SYT9: variants seen among roughly 807,000 people sequenced by gnomAD.
SYT9 encodes synaptotagmin-9.
A neutral mutation model predicts 48.4 loss-of-function variants in SYT9; 22 were observed. That is an observed-to-expected ratio of 0.45 (90% CI 0.32 to 0.65). The LOEUF is 0.65. SYT9 is among the 30% of genes least tolerant of loss of function. SYT9 has a pLI of 0.03. For missense variants in SYT9, 577 were observed against 622.0 expected (o/e 0.93, Z 0.77); for synonymous variants, 265 against 245.0 (o/e 1.08, Z -0.76).
intron 3 of SYT9, among the ~76,000 whole-genome samples, chr11:7,369,907 T>G (rs1195236527): frequency 6.6e-6 from 1 of 152,108 alleles, no homozygotes; most frequent in African/African-American, 2.4e-5. Flanking sequence ...TTCTTTATTT[T>G]ATTTTTCCAT....
At chr11:7,433,263 G>C (rs1847644940) in intron 6 of SYT9, among the ~76,000 whole-genome samples, 1 of 152,138 alleles carries the variant, frequency 6.6e-6, no homozygotes, top group South Asian at 2.1e-4. Flanking sequence ...GCAGAACTGT[G>C]AACCAATTAA....
chr11:7,255,388 A>G (rs1358546938), intron 1 of SYT9, among the ~76,000 whole-genome samples: 1 of 151,978 alleles, frequency 6.6e-6, no homozygotes, highest in Non-Finnish European at 1.5e-5. Context: ...ACCATTATAA[A>G]GACTTTGGTT....
chr11:7,448,812 C>T (rs1847986352), intron 6 of SYT9, among the ~76,000 whole-genome samples: 1 of 152,024 alleles, frequency 6.6e-6, no homozygotes, highest in South Asian at 2.1e-4. Context: ...AGACCTGAAC[C>T]CCTCTTTTCA....
chr11:7,340,735 C>T (rs1849698687), intron 3 of SYT9, among the ~76,000 whole-genome samples: 1 of 152,226 alleles, frequency 6.6e-6, no homozygotes, highest in Non-Finnish European at 1.5e-5. Flanking sequence ...TGCAAGACAG[C>T]AAAGATGGTA....
At chr11:7,247,546 T>A (rs1417848299), upstream of SYT9, among the ~76,000 whole-genome samples, 1 of 148,056 alleles carries the variant, frequency 6.8e-6, no homozygotes, top group Non-Finnish European at 1.5e-5. Context: ...TATATACACG[T>A]ATACATGTAT....
At chr11:7,303,434 C>T (rs1185605154) in intron 2 of SYT9, 44 bp downstream of exon 2, 2 of 1,493,224 alleles carry the variant, frequency 1.3e-6, no homozygotes, top group African/African-American at 2.8e-5. Flanking sequence ...AAGGACCACC[C>T]CATTCCCCTC....
At chr11:7,421,257 G>C (rs1275866155) in intron 6 of SYT9, among the ~76,000 whole-genome samples, 1 of 152,126 alleles carries the variant, frequency 6.6e-6, no homozygotes, top group Non-Finnish European at 1.5e-5. Context: ...GTGTGGCTTT[G>C]TTCCTTGAAG....
At chr11:7,402,818 A>G (rs1488700779) in intron 3 of SYT9, among the ~76,000 whole-genome samples, 1 of 152,194 alleles carries the variant, frequency 6.6e-6, no homozygotes, top group South Asian at 2.1e-4. Flanking sequence ...TTAAGTATAC[A>G]CATTGAATGT....
intron 1 of SYT9, among the ~76,000 whole-genome samples, chr11:7,263,845 A>AAAGAGTAT (rs1431523186): frequency 6.7e-6 from 1 of 150,090 alleles, no homozygotes; most frequent in Non-Finnish European, 1.5e-5. Flanking sequence ...AATTGAGAGA[A>AAAGAGTAT]AAGAGTATAA....
intron 2 of SYT9, among the ~76,000 whole-genome samples, chr11:7,304,740 C>T (rs1033323603): frequency 2.0e-5 from 3 of 152,216 alleles, no homozygotes; most frequent in Non-Finnish European, 4.4e-5. Context: ...CAGATTTTAT[C>T]ACTAGGATTT....
chr11:7,442,156 C>T (rs1260737804), intron 6 of SYT9, among the ~76,000 whole-genome samples: 1 of 152,066 alleles, frequency 6.6e-6, no homozygotes, highest in Non-Finnish European at 1.5e-5. Flanking sequence ...AACCCCACCG[C>T]CTCCTGCCAT....
At chr11:7,303,919 T>G (rs892504377) in intron 2 of SYT9, among the ~76,000 whole-genome samples, 6 of 152,336 alleles carry the variant, frequency 3.9e-5, no homozygotes, top group East Asian at 1.9e-4. Flanking sequence ...CTGGAGGTCT[T>G]TGTCCGTCTC....
At chr11:7,400,401 C>T (rs1325848967) in intron 3 of SYT9, among the ~76,000 whole-genome samples, 6 of 152,148 alleles carry the variant, frequency 3.9e-5, no homozygotes, top group Non-Finnish European at 8.8e-5. Context: ...GTCTGTCAGT[C>T]AGCTGGAAGA....
intron 6 of SYT9, chr11:7,457,077 G>A (rs1199563106): frequency 6.6e-6 from 1 of 152,198 alleles, no homozygotes; most frequent in Admixed American, 6.5e-5. Flanking sequence ...CTGCGACCCT[G>A]CCTCCATCTC....
At chr11:7,415,918 C>A (rs1433355534) in intron 3 of SYT9, 124 bp from the exon 4 acceptor site, 2 of 1,185,342 alleles carry the variant, frequency 1.7e-6, no homozygotes, top group Non-Finnish European at 2.4e-6. Flanking sequence ...GGAAGAGATA[C>A]CAGGGATTCT....
At chr11:7,357,517 G>A (rs1006474660) in intron 3 of SYT9, among the ~76,000 whole-genome samples, 2 of 152,154 alleles carry the variant, frequency 1.3e-5, no homozygotes, top group Non-Finnish European at 2.9e-5. Flanking sequence ...GCTTCTCTGA[G>A]AGAATCCTAA....
intron 3 of SYT9, among the ~76,000 whole-genome samples, chr11:7,324,932 A>G (rs1054693426): frequency 4.6e-5 from 7 of 152,152 alleles, no homozygotes; most frequent in African/African-American, 1.7e-4. Context: ...TTCATCTCCT[A>G]CTATGATGGT....
At chr11:7,448,947 C>G (rs1269813790) in intron 6 of SYT9, among the ~76,000 whole-genome samples, 2 of 152,114 alleles carry the variant, frequency 1.3e-5, no homozygotes, top group African/African-American at 4.8e-5. Context: ...GGGGCTTAGT[C>G]TTCACAGAAT....
chr11:7,283,302 T>A (rs1242730346), intron 1 of SYT9, among the ~76,000 whole-genome samples: 2 of 152,018 alleles, frequency 1.3e-5, no homozygotes, highest in African/African-American at 2.4e-5. Flanking sequence ...AAGTTATTTT[T>A]AAAAATGCTG....
Sources: gnomAD v4.1 joint callset for allele counts (sites outside exome capture counted in the v4.1 genomes callset) on GRCh38, gnomAD v4.1.1 for gene constraint, MANE v1.5 for transcripts, NCBI Gene and HGNC (gene_info 2026-07-23, HGNC 2026-07-21) for gene names.